PELI2: variants seen among roughly 807,000 people sequenced by gnomAD.
The protein encoded by PELI2 is E3 ubiquitin-protein ligase pellino homolog 2.
In PELI2, 23 loss-of-function variants were observed where a neutral mutation model predicts 42.3. That is an observed-to-expected ratio of 0.54 (90% CI 0.39 to 0.77). The LOEUF (loss-of-function observed/expected upper bound fraction) is 0.77, where lower values mean the gene tolerates loss of function less well. Ranked by LOEUF, PELI2 falls within the 30% of genes least tolerant of loss-of-function variation. The probability of loss-of-function intolerance (pLI) is 0.00; values close to 1 mark genes in which losing one functional copy is unlikely to be tolerated. For synonymous variants in PELI2, 245 were observed against 212.2 expected (o/e 1.15, Z -1.34); for missense variants, 463 against 553.2 (o/e 0.84, Z 1.64).
At chr14:56,233,664 G>A (rs1291912157) in intron 2 of PELI2, among the ~76,000 whole-genome samples, 3 of 152,034 alleles carry the variant, frequency 2.0e-5, no homozygotes, top group Non-Finnish European at 4.4e-5. Flanking sequence ...AGAAGAAAAC[G>A]TAGGCAATAC....
intron 2 of PELI2, among the ~76,000 whole-genome samples, chr14:56,224,825 G>T (rs924533632): frequency 8.1e-5 from 12 of 148,492 alleles, no homozygotes; most frequent in Non-Finnish European, 1.6e-4. Flanking sequence ...GTGAAGTATA[G>T]TTGAATTAAA....
chr14:56,231,469 C>T (rs1887570099), intron 2 of PELI2, among the ~76,000 whole-genome samples: 1 of 152,202 alleles, frequency 6.6e-6, no homozygotes, highest in Non-Finnish European at 1.5e-5. Context: ...CAAAACTGCT[C>T]AACTACATGG....
rs1325664933 is a variant in PELI2 at position 56,285,152 on chromosome 14, C to T, written c.310-3285C>T. Among the ~76,000 whole-genome samples, 3 of 152,178 alleles carry T rather than the reference C, an allele frequency of 2.0e-5. No individual in the cohort carries two copies. In the East Asian group the frequency reaches 5.8e-4, roughly 29 times the overall value. ...GGTGGCAAGTATGAAAACAGGGAGA[C>T]CAGTTTGGAGGCTAAGGTGATAGAA... On this transcript the variant is annotated intron_variant, in intron 3 of 5. Coordinates refer to ENST00000267460, the MANE Select transcript of PELI2 (RefSeq NM_021255.3).
At chr14:56,293,418 A>G (rs951642671) in intron 5 of PELI2, among the ~76,000 whole-genome samples, 4 of 152,216 alleles carry the variant, frequency 2.6e-5, no homozygotes, top group Non-Finnish European at 5.9e-5. Flanking sequence ...GTTCTGTGGT[A>G]TTGAATTGAC....
Position 56,193,817 on chromosome 14 carries a change from C to CT in PELI2, c.207+15359dup, listed in dbSNP as rs772869927. Reference sequence around the variant, plus strand: ...AGATTTTTAAAGGGAAGTCAGCCTCCTTTTTTGCCAAAATAAAGGAGTATA... The same window carrying CT: ...AGATTTTTAAAGGGAAGTCAGCCTCCTTTTTTTGCCAAAATAAAGGAGTATA... On this transcript the variant is annotated intron_variant, in intron 2 of 5. Coordinates refer to ENST00000267460, the MANE Select transcript of PELI2 (RefSeq NM_021255.3). Among the ~76,000 whole-genome samples, 21 of 152,242 alleles carry CT rather than the reference C, an allele frequency of 1.4e-4. 1 individual carries two copies. Among genetic ancestry groups the CT allele is most frequent in the Admixed American group, 8.5e-4 (13 of 15,294 alleles).
chr14:56,155,501 T>TTACTTTTAATATATCAACAGTC (rs1206010621), intron 1 of PELI2, among the ~76,000 whole-genome samples: 4 of 152,166 alleles, frequency 2.6e-5, no homozygotes, highest in African/African-American at 9.7e-5. Context: ...TCATCATACA[T>TTACTTTTAATATATCAACAGTC]TACTTTTAAT....
At chr14:56,167,897 G>A (rs1885019527) in intron 1 of PELI2, among the ~76,000 whole-genome samples, 1 of 152,232 alleles carries the variant, frequency 6.6e-6, no homozygotes, top group Non-Finnish European at 1.5e-5. Context: ...TTCAGGCCCA[G>A]TAACACTGTG....
chr14:56,120,619 A>T (rs1353744249), intron 1 of PELI2, among the ~76,000 whole-genome samples: 1 of 152,092 alleles, frequency 6.6e-6, no homozygotes, highest in Non-Finnish European at 1.5e-5. Context: ...TTGTGTACCT[A>T]CTCTGTGCCT....
intron 1 of PELI2, among the ~76,000 whole-genome samples, chr14:56,150,782 G>T (rs993571326): frequency 2.6e-5 from 4 of 152,144 alleles, no homozygotes; most frequent in Non-Finnish European, 4.4e-5. Context: ...CTTTACTAGG[G>T]ATGTGAGCTG....
Position 56,273,675 on chromosome 14 carries a change from G to C in PELI2, c.208-6001G>C, listed in dbSNP as rs1419102349. ...AATTATGAAGGTAATAATGCTAACT[G>C]TATGTGAACAACAGTGGCAAGAGAG... On this transcript the variant is annotated intron_variant, in intron 2 of 5. Transcript: ENST00000267460. The surrounding 1 kb of genome is among the most constrained non-coding windows in gnomAD (Gnocchi z 4.3). Among the ~76,000 whole-genome samples the C allele has an allele frequency of 6.6e-6, 1 of 152,202 alleles. No homozygotes were observed. The highest frequency in any genetic ancestry group is 1.5e-5 in the Non-Finnish European group (1 of 68,044).
chr14:56,253,340 G>T (rs1469262104), intron 2 of PELI2, among the ~76,000 whole-genome samples: 1 of 152,202 alleles, frequency 6.6e-6, no homozygotes, highest in Admixed American at 6.5e-5. Context: ...AGTATTGGAA[G>T]TTCTGTCCAG....
At chr14:56,252,178 G>C (rs1311747681) in intron 2 of PELI2, among the ~76,000 whole-genome samples, 1 of 152,192 alleles carries the variant, frequency 6.6e-6, no homozygotes, top group Admixed American at 6.5e-5. Flanking sequence ...AGTTGTCATA[G>C]CCTAGGGTAA....
At chr14:56,204,327 A>G (rs1397524704) in intron 2 of PELI2, among the ~76,000 whole-genome samples, 1 of 152,154 alleles carries the variant, frequency 6.6e-6, no homozygotes, top group African/African-American at 2.4e-5. Flanking sequence ...GCTTAGAGCG[A>G]TATTCATATA....
At chr14:56,292,815 T>C (rs940961327) in intron 5 of PELI2, 1 of 956,054 alleles carries the variant, frequency 1.0e-6, no homozygotes, top group East Asian at 1.2e-4. Flanking sequence ...AATAAATAGG[T>C]GAATGGAGTT....
chr14:56,195,753 G>A (rs977949422), intron 2 of PELI2, among the ~76,000 whole-genome samples: 17 of 152,192 alleles, frequency 1.1e-4, no homozygotes, highest in Admixed American at 7.2e-4. Flanking sequence ...GTTTGGGAGC[G>A]GTTCTACAGA....
intron 2 of PELI2, among the ~76,000 whole-genome samples, chr14:56,192,619 G>A (rs962967908): frequency 2.0e-5 from 3 of 152,204 alleles, no homozygotes; most frequent in Non-Finnish European, 2.9e-5. Context: ...CTGGTTAATA[G>A]TACAGGCTCT....
At chr14:56,277,571 C>A (rs1016335972) in intron 2 of PELI2, among the ~76,000 whole-genome samples, 2 of 151,766 alleles carry the variant, frequency 1.3e-5, no homozygotes, top group Non-Finnish European at 2.9e-5. Flanking sequence ...CTGAATCATC[C>A]CCAAACCATC....
intron 1 of PELI2, among the ~76,000 whole-genome samples, chr14:56,141,542 T>C (rs1446318067): frequency 2.0e-5 from 3 of 152,174 alleles, no homozygotes. Flanking sequence ...CCTGAGACTG[T>C]GTAATTTATA....
At chr14:56,267,787 TG>T (rs1888960323) in intron 2 of PELI2, among the ~76,000 whole-genome samples, 1 of 152,188 alleles carries the variant, frequency 6.6e-6, no homozygotes. Flanking sequence ...TTCCCGTTTT[TG>T]TTTACATCTT....
Sources: allele counts gnomAD v4.1 joint callset (sites outside exome capture counted in the v4.1 genomes callset), GRCh38; gene constraint gnomAD v4.1.1; non-coding constraint Gnocchi (gnomAD v3.1); transcripts MANE v1.5; gene names NCBI Gene and HGNC (gene_info 2026-07-23, HGNC 2026-07-21).